The following DOCK4 variants were observed in gnomAD, a reference collection of about 807,000 sequenced individuals.
DOCK4 encodes the protein dedicator of cytokinesis protein 4.
Under a neutral mutation model 268.1 loss-of-function variants are expected in DOCK4, and 97 were observed. That is an observed-to-expected ratio of 0.36 (90% CI 0.31 to 0.43). The LOEUF (loss-of-function observed/expected upper bound fraction) is 0.43, where lower values mean the gene tolerates loss of function less well. DOCK4 is among the 20% of genes least tolerant of loss of function. The pLI, the probability that DOCK4 is intolerant of heterozygous loss-of-function variation, is 1.00. For missense variants in DOCK4, 2,145 were observed against 2,455.7 expected (o/e 0.87, Z 2.67); for synonymous variants, 954 against 887.2 (o/e 1.08, Z -1.34).
In DOCK4 at chr7:111,915,888, T is replaced by C. The variant is rs201411939; in HGVS notation, c.1083A>G (p.Leu361=). The change falls in exon 13 of 53, where the codon TTA becomes TTG. Residue 361 remains leucine, a synonymous_variant. Transcript: ENST00000428084. The part of the protein sequence containing the change: ...TGSNAGLAVS[L]QLLHGDIEQI... ...GTTCAATGTCTCCGTGCAATAGCTG[T>C]AAGGAAACTGCTAAACCTAAAACAG... The C allele has an allele frequency of 1.8e-3, 2,924 of 1,611,748 alleles. 5 individuals are homozygous for C. The highest frequency in any genetic ancestry group is 2.3e-3 in the Non-Finnish European group (2,703 of 1,178,924).
At chr7:111,915,354 G>T (rs1792497185) in intron 13 of DOCK4, among the ~76,000 whole-genome samples, 1 of 152,064 alleles carries the variant, frequency 6.6e-6, no homozygotes. Flanking sequence ...TTTACATATG[G>T]CTAACTAGTG....
intron 30 of DOCK4, among the ~76,000 whole-genome samples, chr7:111,800,149 T>A (rs942907698): frequency 8.6e-5 from 13 of 152,044 alleles, no homozygotes; most frequent in Non-Finnish European, 1.8e-4. Context: ...TACAATGCAC[T>A]TTAAGCTAGG....
intron 49 of DOCK4, among the ~76,000 whole-genome samples, chr7:111,738,724 G>A (rs543544712): frequency 6.6e-6 from 1 of 152,182 alleles, no homozygotes; most frequent in Non-Finnish European, 1.5e-5. Flanking sequence ...GATCACCTGA[G>A]GTCAGGAGTT....
In DOCK4 at chr7:111,726,512, A is replaced by G. The variant is rs893169307; in HGVS notation, c.*1762T>C. The G allele has an allele frequency of 6.6e-6, 1 of 152,418 alleles. No homozygotes were observed. Among genetic ancestry groups the G allele is most frequent in the African/African-American group, 2.4e-5 (1 of 41,450 alleles). The allele number at this position is 152,418 out of a possible 1,614,324, so 9.4% of individuals were successfully genotyped here. On this transcript the variant is annotated 3_prime_UTR_variant, in exon 53 of 53. Coordinates refer to ENST00000428084, the MANE Select transcript of DOCK4 (RefSeq NM_001363540.2). ...AAACACGAAGTGTTATCAAAAGCAA[A>G]AGCTAGTTCAAAAAATTTCTGACTG...
At position 111,848,551 on chromosome 7, in the gene DOCK4, T is replaced by C. The variant is rs535764601; in HGVS notation, c.2474-1425A>G. On this transcript the variant is annotated intron_variant, in intron 23 of 52. Coordinates refer to ENST00000428084, the MANE Select transcript of DOCK4 (RefSeq NM_001363540.2). ...TCTCCCTGAGGAAATCAGATATTTT[T>C]TAAAATTTGTTTTGAGGCAGGAAAA... is the stretch of plus-strand genomic sequence containing the variant. Among the ~76,000 whole-genome samples the C allele has an allele frequency of 3.3e-5, 5 of 152,306 alleles. No individual in the cohort carries two copies. The East Asian group carries it at 7.7e-4, about 23-fold the overall frequency.
intron 26 of DOCK4, among the ~76,000 whole-genome samples, chr7:111,827,010 A>G (rs1802451623): frequency 6.6e-6 from 1 of 152,178 alleles, no homozygotes; most frequent in Non-Finnish European, 1.5e-5. Context: ...ACATCCATAA[A>G]ACAAAGCATC....
intron 1 of DOCK4, among the ~76,000 whole-genome samples, chr7:112,027,154 T>G (rs912727203): frequency 6.6e-6 from 1 of 152,232 alleles, no homozygotes; most frequent in Non-Finnish European, 1.5e-5. Context: ...GTCCCAAGCC[T>G]CTAGGACCAG....
chr7:112,204,324 C>T (rs968373364), intron 1 of DOCK4, among the ~76,000 whole-genome samples: 15 of 152,180 alleles, frequency 9.9e-5, no homozygotes, highest in African/African-American at 3.6e-4. Flanking sequence ...AAGAAAGCAA[C>T]ATCTGGGATC....
rs900332089 is a variant in DOCK4, at chr7:111,938,207, G to A, written c.977+1903C>T. Among the ~76,000 whole-genome samples the A allele has an allele frequency of 7.2e-5, 11 of 152,110 alleles. 1 individual carries two copies. The South Asian group carries it at 8.3e-4, about 11-fold the overall frequency. On this transcript the variant is annotated intron_variant, in intron 11 of 52. Coordinates refer to ENST00000428084, the MANE Select transcript of DOCK4 (RefSeq NM_001363540.2). ...TTTAAGAGGGATGAAGAGAGTTACC[G>A]GTCCTAAACCACAGACTATAGATAA... is the stretch of plus-strand genomic sequence containing the variant.
chr7:111,840,460 C>T (rs1260335790), intron 25 of DOCK4, among the ~76,000 whole-genome samples: 1 of 152,008 alleles, frequency 6.6e-6, no homozygotes, highest in Non-Finnish European at 1.5e-5. Flanking sequence ...GTCATTCATA[C>T]TGCTTTATAA....
rs151154125 is a variant in DOCK4, at chr7:111,822,816, A to C, written c.2836-360T>G. Among the ~76,000 whole-genome samples the C allele has an allele frequency of 3.7e-3, 558 of 152,346 alleles. 6 individuals are homozygous for C. The highest frequency in any genetic ancestry group is 0.013 in the African/African-American group (526 of 41,588). On this transcript the variant is annotated intron_variant, in intron 26 of 52. Transcript: ENST00000428084. ...AGCATCTTAAACATCAGAACTTTTC[A>C]ATGCAGGAGAACAATGAACAGTCCT...
At chr7:111,850,764 T>G (rs1804482836) in intron 23 of DOCK4, among the ~76,000 whole-genome samples, 1 of 151,866 alleles carries the variant, frequency 6.6e-6, no homozygotes, top group South Asian at 2.1e-4. Context: ...CAACCCCCTT[T>G]AACTGTAATT....
chr7:111,859,591 G>A (rs1468680325), intron 23 of DOCK4, among the ~76,000 whole-genome samples: 41 of 140,238 alleles, frequency 2.9e-4, no homozygotes, highest in East Asian at 6.2e-4. Context: ...TTTTTGAGGC[G>A]GAGTCTCGCT....
At chr7:111,796,468 T>C (rs1202167791) in intron 30 of DOCK4, among the ~76,000 whole-genome samples, 1 of 152,248 alleles carries the variant, frequency 6.6e-6, no homozygotes, top group Non-Finnish European at 1.5e-5. Flanking sequence ...ATGAGGAAAG[T>C]TCTGCCTTCA....
At chr7:111,976,140 CAAAAAA>C (rs1166982968) in intron 8 of DOCK4, among the ~76,000 whole-genome samples, 220 of 28,762 alleles carry the variant, frequency 7.6e-3, no homozygotes, top group African/African-American at 0.014. Flanking sequence ...GACTCCATCT[CAAAAAA>C]AAAAAAAAAA....
At chr7:111,852,826 T>C (rs1804692879) in intron 23 of DOCK4, among the ~76,000 whole-genome samples, 1 of 152,130 alleles carries the variant, frequency 6.6e-6, no homozygotes, top group African/African-American at 2.4e-5. Flanking sequence ...AGCTGACTGG[T>C]TGATATGCTA....
intron 1 of DOCK4, among the ~76,000 whole-genome samples, chr7:112,205,647 G>T (rs1450279495): frequency 1.3e-5 from 2 of 152,066 alleles, no homozygotes; most frequent in Admixed American, 6.5e-5. Flanking sequence ...CTGTTTTGGG[G>T]GTGTTCTCTC....
At chr7:111,908,870 T>C (rs1419167012) in intron 13 of DOCK4, among the ~76,000 whole-genome samples, 2 of 152,214 alleles carry the variant, frequency 1.3e-5, no homozygotes, top group East Asian at 3.8e-4. Context: ...CTCATTCTTC[T>C]TTAGGGCTGC....
intron 22 of DOCK4, among the ~76,000 whole-genome samples, chr7:111,865,305 G>C (rs962930489): frequency 3.3e-5 from 5 of 152,178 alleles, no homozygotes; most frequent in African/African-American, 1.2e-4. Flanking sequence ...GTTGCATTTG[G>C]GGCAGGAGGA....
Sources: allele counts gnomAD v4.1 joint callset (sites outside exome capture counted in the v4.1 genomes callset), GRCh38; gene constraint gnomAD v4.1.1; transcripts MANE v1.5; gene names NCBI Gene and HGNC (gene_info 2026-07-23, HGNC 2026-07-21).